The following ZC3H12B variants were observed in gnomAD, a reference collection of about 807,000 sequenced individuals.
The protein encoded by ZC3H12B is probable ribonuclease ZC3H12B.
In ZC3H12B, 7 loss-of-function variants were observed where a neutral mutation model predicts 43.9. That is an observed-to-expected ratio of 0.16 (90% CI 0.09 to 0.30). The LOEUF (loss-of-function observed/expected upper bound fraction) is 0.30. ZC3H12B is among the 10% of genes least tolerant of loss of function. The pLI, the probability that ZC3H12B is intolerant of heterozygous loss-of-function variation, is 1.00. For missense variants in ZC3H12B, 475 were observed against 670.2 expected (o/e 0.71, Z 3.22); for synonymous variants, 222 against 241.7 (o/e 0.92, Z 0.76).
chrX:65,212,326 A>G, the ZC3H12B span, among the ~76,000 whole-genome samples: 1 of 49,899 alleles, frequency 2.0e-5, no homozygotes, highest in African/African-American at 9.0e-5. Flanking sequence ...TTATATTTAT[A>G]TTATATAATA....
At chrX:65,264,352 A>G in the ZC3H12B span, among the ~76,000 whole-genome samples, 2 of 112,064 alleles carry the variant, frequency 1.8e-5, no homozygotes, top group Admixed American at 9.5e-5. Flanking sequence ...AAATGAAGAC[A>G]AGTGCATACA....
chrX:65,272,213 A>G, the ZC3H12B span: 3 of 107,839 alleles, frequency 2.8e-5, no homozygotes, highest in Non-Finnish European at 5.7e-5. Flanking sequence ...GACTGTCTCA[A>G]AAACAAAATA....
chrX:65,226,179 G>T, the ZC3H12B span, among the ~76,000 whole-genome samples: 1 of 111,670 alleles, frequency 9.0e-6, no homozygotes, highest in African/African-American at 3.3e-5. Flanking sequence ...GAGATCTCTC[G>T]GCAGAAAATC....
At chrX:65,346,005 G>C in the ZC3H12B span, among the ~76,000 whole-genome samples, 3 of 111,060 alleles carry the variant, frequency 2.7e-5, no homozygotes, top group South Asian at 1.1e-3. Context: ...CCTGTTCATG[G>C]ACTGGAAAAA....
the ZC3H12B span, among the ~76,000 whole-genome samples, chrX:65,196,236 G>T: frequency 9.3e-6 from 1 of 107,452 alleles, no homozygotes; most frequent in Non-Finnish European, 1.9e-5. Context: ...GGAGCCCCTC[G>T]TGAGGCAAGC....
exon 5 of ZC3H12B, chrX:65,506,109 T>G (rs2148250299): frequency 8.9e-6 from 1 of 112,647 alleles, no homozygotes; most frequent in Non-Finnish European, 1.9e-5. Context: ...AGGGAGCTTT[T>G]ATTTCTAAAG....
chrX:65,438,511 C>G (rs1178044351), intron 3 of ZC3H12B, among the ~76,000 whole-genome samples: 2 of 112,454 alleles, frequency 1.8e-5, no homozygotes, highest in African/African-American at 6.5e-5. Context: ...GAATTAAAGA[C>G]ACACACAGAA....
chrX:65,161,729 G>T, the ZC3H12B span, among the ~76,000 whole-genome samples: 1 of 112,108 alleles, frequency 8.9e-6, no homozygotes, highest in Admixed American at 9.5e-5. Flanking sequence ...TTGCCAGTCA[G>T]TGTCTTTTAA....
the ZC3H12B span, among the ~76,000 whole-genome samples, chrX:65,252,764 G>A: frequency 2.7e-5 from 3 of 111,936 alleles, no homozygotes; most frequent in Admixed American, 2.8e-4. Context: ...GTGATTTAAA[G>A]TACCCTGTAG....
At chrX:65,062,397 C>A in the ZC3H12B span, among the ~76,000 whole-genome samples, 1 of 112,186 alleles carries the variant, frequency 8.9e-6, no homozygotes, top group African/African-American at 3.2e-5. Flanking sequence ...GTTTTCCCAG[C>A]ACCATTTATT....
intron 2 of ZC3H12B, among the ~76,000 whole-genome samples, chrX:65,384,592 T>C (rs939443084): frequency 1.1e-4 from 12 of 111,662 alleles, no homozygotes; most frequent in African/African-American, 3.9e-4. Flanking sequence ...TAATAAACTA[T>C]TGCTATAGTT....
At chrX:65,472,888 ATGTT>A (rs2067939811) in intron 3 of ZC3H12B, among the ~76,000 whole-genome samples, 1 of 89,563 alleles carries the variant, frequency 1.1e-5, no homozygotes, top group Non-Finnish European at 2.1e-5. Context: ...TTATATATAT[ATGTT>A]TGTGTATATA....
At chrX:65,405,095 G>A (rs1386073846) in intron 3 of ZC3H12B, among the ~76,000 whole-genome samples, 1 of 112,007 alleles carries the variant, frequency 8.9e-6, no homozygotes, top group East Asian at 2.8e-4. Context: ...ATATGTTCCT[G>A]AATGACGAGT....
At chrX:65,333,797 C>A in the ZC3H12B span, among the ~76,000 whole-genome samples, 1 of 111,815 alleles carries the variant, frequency 8.9e-6, no homozygotes, top group Admixed American at 9.5e-5. Context: ...GACAAAAAGT[C>A]TTAGGACAGC....
chrX:65,483,259 G>A (rs758798483), intron 3 of ZC3H12B, among the ~76,000 whole-genome samples: 7 of 111,779 alleles, frequency 6.3e-5, no homozygotes, highest in Non-Finnish European at 1.3e-4. Context: ...TCTTTGCTAA[G>A]TGTTACTACC....
chrX:65,446,585 G>A (rs917922144), intron 3 of ZC3H12B, among the ~76,000 whole-genome samples: 1 of 111,769 alleles, frequency 8.9e-6, no homozygotes, highest in Non-Finnish European at 1.9e-5. Context: ...CCCTTCACAG[G>A]CACTGGATAA....
the ZC3H12B span, among the ~76,000 whole-genome samples, chrX:65,151,687 A>G: frequency 1.8e-5 from 2 of 111,774 alleles, no homozygotes; most frequent in East Asian, 5.6e-4. Flanking sequence ...TTCTGAAACT[A>G]TTCCAATCAA....
At chrX:65,089,817 C>T in the ZC3H12B span, among the ~76,000 whole-genome samples, 1 of 111,075 alleles carries the variant, frequency 9.0e-6, no homozygotes, top group Non-Finnish European at 1.9e-5. Context: ...CAAACACATA[C>T]ATTAGACTAG....
chrX:65,464,089 A>G (rs748412446), intron 3 of ZC3H12B, among the ~76,000 whole-genome samples: 2 of 112,083 alleles, frequency 1.8e-5, no homozygotes, highest in Non-Finnish European at 3.8e-5. Flanking sequence ...ATGTTCTACT[A>G]TTTTCTTACT....
Sources: gnomAD v4.1 joint callset for allele counts (sites outside exome capture counted in the v4.1 genomes callset) on GRCh38, gnomAD v4.1.1 for gene constraint, MANE v1.5 for transcripts, NCBI Gene and HGNC (gene_info 2026-07-23, HGNC 2026-07-21) for gene names.